EXOC2: variants seen among roughly 807,000 people sequenced by gnomAD.
EXOC2 encodes exocyst complex component 2.
In EXOC2, 70 loss-of-function variants were observed where a neutral mutation model predicts 131.8. The observed-to-expected ratio is 0.53, with a 90% confidence interval of 0.44 to 0.65. The LOEUF (loss-of-function observed/expected upper bound fraction) is 0.65. EXOC2 is among the 30% of genes least tolerant of loss of function. EXOC2 has a pLI of 0.00. For synonymous variants in EXOC2, 411 were observed against 398.4 expected (o/e 1.03, Z -0.38); for missense variants, 923 against 1,108.6 (o/e 0.83, Z 2.38).
chr6:576,934 T>C (rs1258377945), intron 11 of EXOC2, 52 bp from the exon 12 acceptor site: 13 of 1,541,288 alleles, frequency 8.4e-6, no homozygotes, highest in Non-Finnish European at 1.1e-5. Flanking sequence ...CTATATACTC[T>C]TGCTTAGTTG....
At chr6:515,397 T>C (rs183915906) in intron 23 of EXOC2, among the ~76,000 whole-genome samples, 15 of 152,364 alleles carry the variant, frequency 9.8e-5, no homozygotes, top group Admixed American at 9.1e-4. Flanking sequence ...CCTCCCCGTC[T>C]GTCCCCTGCT....
chr6:497,526 CT>C, intron 24 of EXOC2, 37 bp from the exon 25 acceptor site: 2 of 1,570,444 alleles, frequency 1.3e-6, no homozygotes, highest in Admixed American at 1.9e-5. Flanking sequence ...CTTTGTGGGG[CT>C]TTTTGACTTG....
intron 4 of EXOC2, among the ~76,000 whole-genome samples, chr6:627,262 A>AGAAGACGAAGAAAGAAGAAGATGATGAAG (rs1561942925): frequency 7.7e-6 from 1 of 130,674 alleles, no homozygotes. Context: ...AAAAAAAAAA[A>AGAAGACGAAGAAAGAAGAAGATGATGAAG]AAGAAGCCTG....
intron 22 of EXOC2, among the ~76,000 whole-genome samples, chr6:545,165 A>C (rs1173125599): frequency 3.2e-4 from 48 of 151,756 alleles, no homozygotes; most frequent in African/African-American, 7.2e-5. Context: ...AAAAAAAAAA[A>C]AAAAAAAAAA....
Position 545,610 on chromosome 6 carries a change from C to G in EXOC2, c.2238+3565G>C, listed in dbSNP as rs550217829. 2.0e-5 allele frequency among the ~76,000 whole-genome samples: 3 copies of G among 152,270 alleles called. No individual in the cohort carries two copies. In the South Asian group the frequency reaches 6.2e-4, roughly 32 times the overall value. The stretch of plus-strand genomic sequence containing the variant: ...AAAATACAATGAAAGCCTATTTTAA[C>G]CTATCGAATTAAACATCGTAATTAA... On this transcript the variant is annotated intron_variant, in intron 22 of 27. Transcript: ENST00000230449.
intron 17 of EXOC2, among the ~76,000 whole-genome samples, chr6:561,657 C>T (rs1193986456): frequency 2.0e-5 from 3 of 152,098 alleles, no homozygotes; most frequent in African/African-American, 7.2e-5. Context: ...GCGATCTCGG[C>T]TCACTGCAAT....
At chr6:647,409 C>T (rs1159962263) in intron 1 of EXOC2, among the ~76,000 whole-genome samples, 1 of 150,488 alleles carries the variant, frequency 6.6e-6, no homozygotes, top group Non-Finnish European at 1.5e-5. Flanking sequence ...AGAATCAGAG[C>T]CAAAGGAGAG....
intron 23 of EXOC2, among the ~76,000 whole-genome samples, chr6:511,884 A>G (rs1764868341): frequency 1.3e-5 from 2 of 152,266 alleles, no homozygotes; most frequent in Non-Finnish European, 2.9e-5. Context: ...TTCAGTATCA[A>G]TGATCACTCG....
intron 7 of EXOC2, among the ~76,000 whole-genome samples, chr6:603,694 C>T (rs1417745564): frequency 1.3e-5 from 2 of 152,104 alleles, no homozygotes; most frequent in African/African-American, 4.8e-5. Flanking sequence ...ACATCCTGGC[C>T]CTTCTGGATA....
intron 20 of EXOC2, 24 bp from the exon 21 acceptor site, chr6:553,944 C>A: frequency 1.3e-6 from 2 of 1,596,848 alleles, no homozygotes; most frequent in Non-Finnish European, 1.7e-6. Flanking sequence ...CAAGTAGGAA[C>A]AGTTACAAAT....
intron 12 of EXOC2, among the ~76,000 whole-genome samples, chr6:576,052 T>C (rs1356566348): frequency 1.3e-5 from 2 of 152,206 alleles, no homozygotes; most frequent in Non-Finnish European, 2.9e-5. Context: ...CCTACTGCAA[T>C]GCTTGTTAAG....
intron 10 of EXOC2, among the ~76,000 whole-genome samples, chr6:593,422 A>G (rs1759651595): frequency 1.3e-5 from 2 of 152,198 alleles, no homozygotes; most frequent in South Asian, 2.1e-4. Context: ...TAAAGTCCAC[A>G]CTCACGACTG....
At chr6:562,750 T>C (rs769453267) in intron 17 of EXOC2, 34 bp downstream of exon 17, 1 of 1,432,850 alleles carries the variant, frequency 7.0e-7, no homozygotes. Context: ...AAATACACAC[T>C]AATGACTAAT....
At chr6:684,537 G>C (rs1764556176) in intron 1 of EXOC2, among the ~76,000 whole-genome samples, 1 of 152,126 alleles carries the variant, frequency 6.6e-6, no homozygotes, top group Non-Finnish European at 1.5e-5. Flanking sequence ...TTTCCTTATA[G>C]ATATACTATA....
intron 22 of EXOC2, 86 bp downstream of exon 22, chr6:549,089 C>T (rs1757010766): frequency 1.8e-6 from 2 of 1,106,032 alleles, no homozygotes; most frequent in South Asian, 2.7e-5. Flanking sequence ...GGAATGGGCA[C>T]TGCTAGCAGA....
intron 23 of EXOC2, among the ~76,000 whole-genome samples, chr6:509,631 A>G (rs1236278561): frequency 6.6e-6 from 1 of 152,256 alleles, no homozygotes; most frequent in Non-Finnish European, 1.5e-5. Context: ...CTCTGACTGT[A>G]TAAAAAGTGT....
At chr6:612,115 T>C (rs1003911381) in intron 6 of EXOC2, among the ~76,000 whole-genome samples, 1 of 152,242 alleles carries the variant, frequency 6.6e-6, no homozygotes, top group Non-Finnish European at 1.5e-5. Flanking sequence ...CTAACCAATC[T>C]ATGTTAATGC....
chr6:593,468 G>A (rs1322696344), intron 10 of EXOC2, among the ~76,000 whole-genome samples: 1 of 152,116 alleles, frequency 6.6e-6, no homozygotes, highest in African/African-American at 2.4e-5. Context: ...GTATAGTTCG[G>A]TGTTTTTCTT....
chr6:567,842 G>A (rs781300671), intron 13 of EXOC2, among the ~76,000 whole-genome samples: 32 of 152,190 alleles, frequency 2.1e-4, no homozygotes, highest in Non-Finnish European at 4.3e-4. Flanking sequence ...CAAACGCTCT[G>A]GGTCCCGACA....
Sources: allele counts gnomAD v4.1 joint callset (sites outside exome capture counted in the v4.1 genomes callset), GRCh38; gene constraint gnomAD v4.1.1; transcripts MANE v1.5; gene names NCBI Gene and HGNC (gene_info 2026-07-23, HGNC 2026-07-21).